WDR62: variants seen among roughly 807,000 people sequenced by gnomAD.
The protein encoded by WDR62 is WD repeat domain 62.
Under a neutral mutation model 160.6 loss-of-function variants are expected in WDR62, and 112 were observed. The ratio of observed to expected loss-of-function variants is 0.70; its 90% CI spans 0.60 to 0.82. The LOEUF (loss-of-function observed/expected upper bound fraction) is 0.82. WDR62 is among the 40% of genes least tolerant of loss of function. WDR62 has a pLI of 0.00. For synonymous variants in WDR62, 792 were observed against 815.1 expected, an observed-to-expected ratio of 0.97 and a Z score of 0.48; for missense variants, 1,819 against 1,983.8, an observed-to-expected ratio of 0.92 and a Z score of 1.58.
intron 20 of WDR62, 106 bp downstream of exon 20, chr19:36,094,270 T>A (rs1972819720): frequency 1.3e-6 from 2 of 1,484,068 alleles, no homozygotes; most frequent in South Asian, 2.3e-5. Context: ...AACTCAGGAG[T>A]CGACAGGGTG....
chr19:36,059,077 C>G lies in WDR62; in HGVS notation c.269+206C>G, dbSNP rs1446031102. ...TGGCATGTAGTGAGTGCAATGAAAG[C>G]CTTTATTATGACTACAGGGGGGAGG... On this transcript the variant is annotated intron_variant, in intron 2 of 31. Transcript: ENST00000401500. 3 of 699,604 alleles carry G rather than the reference C, an allele frequency of 4.3e-6. No homozygotes were observed. In the African/African-American group the frequency reaches 5.3e-5, roughly 12 times the overall value. 43.3% of individuals were successfully genotyped at this position (699,604 alleles called of 1,614,324 possible). A position where few individuals can be genotyped will look rare whatever the true frequency, so the allele number is the denominator to read the frequency against.
downstream of WDR62, among the ~76,000 whole-genome samples, chr19:36,105,797 C>T (rs1372018049): frequency 3.9e-5 from 6 of 152,116 alleles, no homozygotes; most frequent in Non-Finnish European, 8.8e-5. Flanking sequence ...CTCCCGGGTT[C>T]AAGCGATTCT....
intron 2 of WDR62, 112 bp downstream of exon 2, chr19:36,058,983 G>T (rs1371056935): frequency 2.3e-6 from 2 of 881,104 alleles, no homozygotes; most frequent in South Asian, 2.8e-5. Context: ...GTAGAATGTG[G>T]AGAATGGGGC....
In WDR62 at chr19:36,100,765, A is replaced by G. The variant is rs777154241; in HGVS notation, c.2757A>G (p.Glu919=). 1 of 1,614,150 alleles carries G rather than the reference A, an allele frequency of 6.2e-7. No individual in the cohort carries two copies. The highest frequency in any genetic ancestry group is 1.1e-5 in the South Asian group (1 of 91,084). ...SLLSESESPQ[E]AGRGHPSFLP... is the part of the protein sequence containing the mutation. ...CCCCATAGTCAGAGAGTCCCCAGGA[A>G]GCTGGCCGCGGGCACCCCTCCTTCC... Residue 919 remains glutamate, a synonymous_variant, in exon 23 of 32, where the codon GAA becomes GAG. Transcript: ENST00000401500.
intron 1 of WDR62, among the ~76,000 whole-genome samples, chr19:36,057,290 CTG>C (rs543826498): frequency 1.6e-3 from 250 of 152,240 alleles, no homozygotes; most frequent in Non-Finnish European, 3.0e-3. Flanking sequence ...GATATTATGA[CTG>C]TGTATTTGGG....
chr19:36,065,309 G>T (rs889593774), intron 3 of WDR62, among the ~76,000 whole-genome samples: 1 of 152,152 alleles, frequency 6.6e-6, no homozygotes, highest in Non-Finnish European at 1.5e-5. Context: ...ACCATCTCAC[G>T]TAGGGAGACA....
intron 9 of WDR62, among the ~76,000 whole-genome samples, chr19:36,078,572 C>T (rs906919109): frequency 9.9e-5 from 15 of 151,754 alleles, no homozygotes; most frequent in Non-Finnish European, 7.4e-5. Flanking sequence ...TGGTGGCTCA[C>T]GTCGGTAATC....
chr19:36,096,732 A>G (rs2145827000), intron 20 of WDR62, among the ~76,000 whole-genome samples: 1 of 151,462 alleles, frequency 6.6e-6, no homozygotes, highest in Middle Eastern at 3.4e-3. Flanking sequence ...AAAAAAGAGA[A>G]CCCCAAGAGT....
rs747209940 is a variant in WDR62, at chr19:36,055,061, C to T, written c.90C>T (p.Gly30=). The T allele has an allele frequency of 5.7e-6, 9 of 1,588,120 alleles. No individual in the cohort carries two copies. In the East Asian group the frequency reaches 1.2e-4, roughly 20 times the overall value. ...TGGCGGGAGTTCCGGCGCGGAGGGGCCAGTCCTCCCCGCCCCCCGCCCCAC... is the reference window on the plus strand; with the variant it reads ...TGGCGGGAGTTCCGGCGCGGAGGGGTCAGTCCTCCCCGCCCCCCGCCCCAC... The part of the protein sequence containing the change: ...SVMAGVPARR[G]QSSPPPAPPI... The change falls in exon 1 of 32, where the codon GGC becomes GGT. Residue 30 remains glycine (G), a synonymous_variant. Coordinates refer to ENST00000401500, the MANE Select transcript of WDR62 (RefSeq NM_001083961.2).
rs1223777279 is a variant in WDR62 at position 36,103,681 on chromosome 19, C to G, written c.3853C>G (p.Leu1285Val). 6.2e-7 allele frequency: 1 copy of G among 1,610,240 alleles called. No individual in the cohort carries two copies. Among genetic ancestry groups the G allele is most frequent in the Non-Finnish European group, 8.5e-7 (1 of 1,180,024 alleles). The change falls in exon 30 of 32, where the codon CTG becomes GTG. Residue 1285 changes from leucine to valine, a missense_variant. Leu to Val is a conservative substitution (Grantham distance 32). This residue lies in a region of WDR62 where 770 missense variants were observed against 734.2 expected (regional missense o/e 1.05). Transcript: ENST00000401500. ...SLDSEGQEPALRSWGNHEARA... is the reference protein window; with the variant it reads ...SLDSEGQEPAVRSWGNHEARA... Reference sequence around the variant, plus strand: ...GGACAGTGAGGGCCAAGAGCCTGCCCTGCGTTCCTGGGGCAACCACGAGGC... The same window carrying G: ...GGACAGTGAGGGCCAAGAGCCTGCCGTGCGTTCCTGGGGCAACCACGAGGC...
intron 15 of WDR62, among the ~76,000 whole-genome samples, chr19:36,090,066 C>A (rs918474760): frequency 6.6e-6 from 1 of 152,174 alleles, no homozygotes; most frequent in Non-Finnish European, 1.5e-5. Flanking sequence ...ACACCTGACC[C>A]CACCTGCGGA....
rs1973204456 is a variant in WDR62 at position 36,099,634 on chromosome 19, CA to C, written c.2739+18del. The C allele has an allele frequency of 1.2e-6, 2 of 1,612,992 alleles. No individual in the cohort carries two copies. Among genetic ancestry groups the C allele is most frequent in the African/African-American group, 2.7e-5 (2 of 74,936 alleles). On this transcript the variant is annotated intron_variant, in intron 22 of 31. Transcript: ENST00000401500. ...CTGAGTGAGGTACACACTTCCACCGCAGCCTGGCCCATAGCCCCGGCACCGT... is the reference window on the plus strand; with the variant it reads ...CTGAGTGAGGTACACACTTCCACCGCGCCTGGCCCATAGCCCCGGCACCGT...
At chr19:36,081,325 C>T (rs544694369) in intron 9 of WDR62, 108 bp from the exon 10 acceptor site, 31 of 1,336,796 alleles carry the variant, frequency 2.3e-5, no homozygotes, top group South Asian at 1.1e-4. Context: ...AGGTATTGCA[C>T]GATACCTGTT....
At chr19:36,099,311 G>A (rs940181765) in intron 21 of WDR62, 88 bp from the exon 22 acceptor site, 35 of 1,070,092 alleles carry the variant, frequency 3.3e-5, no homozygotes, top group Middle Eastern at 5.8e-4. Flanking sequence ...AAAGCCAAGA[G>A]TCCAGATGGG....
chr19:36,083,318 T>C (rs1156972637), intron 11 of WDR62, 77 bp downstream of exon 11: 2 of 1,444,222 alleles, frequency 1.4e-6, no homozygotes, highest in African/African-American at 2.8e-5. Flanking sequence ...GCAGAAGCCC[T>C]GGCCTTGGCA....
chr19:36,094,556 AAATAAT>A (rs146886399), intron 20 of WDR62, among the ~76,000 whole-genome samples: 191 of 148,876 alleles, frequency 1.3e-3, no homozygotes, highest in African/African-American at 4.4e-3. Context: ...TCCGTCTCAA[AAATAAT>A]AATAATAATA....
chr19:36,077,555 C>G (rs1166354699), intron 9 of WDR62, among the ~76,000 whole-genome samples: 1 of 151,962 alleles, frequency 6.6e-6, no homozygotes, highest in Non-Finnish European at 1.5e-5. Flanking sequence ...GGTGGGATTA[C>G]AGGCATGAGC....
chr19:36,055,218 A>G, intron 1 of WDR62, 70 bp downstream of exon 1: 2 of 1,523,042 alleles, frequency 1.3e-6, no homozygotes, highest in Non-Finnish European at 1.8e-6. Flanking sequence ...CGTCCTGAGA[A>G]CTGTGGCCCC....
Position 36,084,475 on chromosome 19 carries a change from C to T in WDR62, c.1551-178C>T, listed in dbSNP as rs184273355. ...TGCTGAGGTGCTCCCTGGTTCAACA[C>T]GGCTCCCTTTACGATGGCAGGTTTC... On this transcript the variant is annotated intron_variant, in intron 11 of 31. Transcript: ENST00000401500. 1.2e-3 allele frequency among the ~76,000 whole-genome samples: 178 copies of T among 152,234 alleles called. 1 individual carries two copies. Among genetic ancestry groups the T allele is most frequent in the Non-Finnish European group, 1.9e-3 (132 of 68,010 alleles).
Sources: gnomAD v4.1 joint callset for allele counts (sites outside exome capture counted in the v4.1 genomes callset) on GRCh38, gnomAD v4.1.1 for gene constraint, gnomAD v4.1.1 regional missense constraint, MANE v1.5 for transcripts, NCBI Gene and HGNC (gene_info 2026-07-23, HGNC 2026-07-21) for gene names.